KRT5: variants seen among roughly 807,000 people sequenced by gnomAD.
The protein encoded by KRT5 is keratin 5.
Under a neutral mutation model 44.0 loss-of-function variants are expected in KRT5, and 17 were observed. The observed-to-expected ratio is 0.39, with a 90% CI of 0.26 to 0.58. KRT5 has a LOEUF of 0.58. Ranked by LOEUF, KRT5 falls within the 20% of genes least tolerant of loss-of-function variation. The pLI is 0.61. For synonymous variants in KRT5, 329 were observed against 312.8 expected, an observed-to-expected ratio of 1.05 and a Z score of -0.55; for missense variants, 737 against 785.5, an observed-to-expected ratio of 0.94 and a Z score of 0.74.
rs1336614177 is a variant in KRT5 at position 52,515,102 on chromosome 12, C to T, written c.1613G>A (p.Gly538Glu). ...SSGSYYSSSS[G>E]GVGLGGGLSV... is the part of the protein sequence containing the mutation. Reference sequence around the variant, plus strand: ...GAGCCCACCACCTAGGCCGACACCCCCACTGCTGCTGGAGTAGTAGCTTCC... The same window carrying T: ...GAGCCCACCACCTAGGCCGACACCCTCACTGCTGCTGGAGTAGTAGCTTCC... Residue 538 changes from glycine (G) to glutamate (E), a missense_variant, in exon 9 of 9, where the codon GGG becomes GAG. Physicochemically the swap from Gly to Glu is moderately conservative, Grantham distance 98. Transcript: ENST00000252242. 2.0e-5 allele frequency: 33 copies of T among 1,612,206 alleles called. No homozygotes were observed. Among genetic ancestry groups the T allele is most frequent in the Non-Finnish European group, 2.7e-5 (32 of 1,179,244 alleles).
chr12:52,519,273 T>G, intron 1 of KRT5, 113 bp from the exon 2 acceptor site: 185 of 1,398,536 alleles, frequency 1.3e-4, no homozygotes, highest in Non-Finnish European at 1.5e-4. Context: ...CTGTGCACTG[T>G]GCCTGGCCCT....
Position 52,519,095 on chromosome 12 carries a change from G to A in KRT5, c.621C>T (p.Gly207=), listed in dbSNP as rs1454816129. Residue 207 remains glycine, a synonymous_variant, in exon 2 of 9, where the codon GGC becomes GGT. Transcript: ENST00000252242. ...CCAGGTTCTGCCTCACAGTCTTGGT[G>A]CCCTGCTCCTGCAGCAGGGTCCACT... is the stretch of plus-strand genomic sequence containing the variant. ...DTKWTLLQEQ[G]TKTVRQNLEP... is the part of the protein sequence containing the mutation. 1.2e-6 allele frequency: 2 copies of A among 1,614,202 alleles called. No individual in the cohort carries two copies. The highest frequency in any genetic ancestry group is 1.7e-5 in the Admixed American group (1 of 60,030).
chr12:52,520,354 G>C lies in KRT5; in HGVS notation c.-58C>G. The stretch of plus-strand genomic sequence containing the variant: ...GGCACTAGTGGGTTGGGAGGTGCTG[G>C]AGAGAACAGAGCTCAGCAGGACGCA... On this transcript the variant is annotated 5_prime_UTR_variant, in exon 1 of 9. Transcript: ENST00000252242. The C allele has an allele frequency of 6.6e-7, 1 of 1,523,268 alleles. No homozygotes were observed. The highest frequency in any genetic ancestry group is 9.1e-7 in the Non-Finnish European group (1 of 1,102,944). 94.4% of individuals were successfully genotyped at this position (1,523,268 alleles called of 1,614,324 possible).
At position 52,520,063 on chromosome 12, in the gene KRT5, A is replaced by G. The variant is rs1298401296; in HGVS notation, c.234T>C (p.Thr78=). 6.2e-7 allele frequency: 1 copy of G among 1,613,964 alleles called. No individual in the cohort carries two copies. The highest frequency in any genetic ancestry group is 1.3e-5 in the African/African-American group (1 of 74,960). The stretch of plus-strand genomic sequence containing the variant: ...ACCGGTTCCTGAAGCTGCCACCACT[A>G]GTGCTGATGGATATCCTCTTGGAGC... ...LGGSKRISIS[T]SGGSFRNRFG... Residue 78 remains threonine (T), a synonymous_variant, in exon 1 of 9, where the codon ACT becomes ACC. Coordinates refer to ENST00000252242, the MANE Select transcript of KRT5 (RefSeq NM_000424.4).
intron 7 of KRT5, 86 bp from the exon 8 acceptor site, chr12:52,515,918 C>A (rs773151927): frequency 3.5e-6 from 4 of 1,152,670 alleles, no homozygotes; most frequent in Non-Finnish European, 5.3e-6. Context: ...CCTCATGATT[C>A]GAGTTCATTC....
chr12:52,519,684 C>G (rs1938677476), intron 1 of KRT5, 58 bp downstream of exon 1: 1 of 1,518,910 alleles, frequency 6.6e-7, no homozygotes, highest in South Asian at 1.1e-5. Flanking sequence ...CCTTCTTTCT[C>G]TCTCTTTGGC....
In KRT5 at chr12:52,520,235, G is replaced by A. The variant is rs368584130; in HGVS notation, c.62C>T (p.Ser21Phe). Residue 21 changes from serine to phenylalanine, a missense_variant, in exon 1 of 9, where the codon TCT becomes TTT. This residue lies in a region of KRT5 where 326 missense variants were observed against 333.1 expected (regional missense o/e 0.98). Transcript: ENST00000252242. ...SGGSRSFSTA[S>F]AITPSVSRTS... ...GCGGGAGACAGACGGGGTGATGGCA[G>A]AGGCGGTGCTGAAGCTACGACTGCC... The A allele has an allele frequency of 4.3e-6, 7 of 1,613,936 alleles. No homozygotes were observed. The highest frequency in any genetic ancestry group is 2.7e-5 in the African/African-American group (2 of 74,926).
chr12:52,517,954 C>T lies in KRT5; in HGVS notation c.870G>A (p.Glu290=). 6.2e-7 allele frequency: 1 copy of T among 1,614,232 alleles called. No individual in the cohort carries two copies. Among genetic ancestry groups the T allele is most frequent in the Non-Finnish European group, 8.5e-7 (1 of 1,180,028 alleles). The part of the protein sequence containing the change: ...DAAYMNKVEL[E]AKVDALMDEI... ...CATCCATCAGTGCATCAACCTTGGCCTCCAGCTCCACCTTGTTCATGTAGG... is the reference window on the plus strand; with the variant it reads ...CATCCATCAGTGCATCAACCTTGGCTTCCAGCTCCACCTTGTTCATGTAGG... Residue 290 remains glutamate (E), a synonymous_variant, in exon 4 of 9, where the codon GAG becomes GAA. Transcript: ENST00000252242.
At chr12:52,515,327 C>A (rs1938593232) in intron 8 of KRT5, 87 bp from the exon 9 acceptor site, 2 of 1,561,588 alleles carry the variant, frequency 1.3e-6, no homozygotes, top group African/African-American at 1.3e-5. Flanking sequence ...GGTGTTGGAG[C>A]ACTCTACTGG....
At chr12:52,518,313 T>C in intron 2 of KRT5, 150 bp from the exon 3 acceptor site, 1 of 753,424 alleles carries the variant, frequency 1.3e-6, no homozygotes, top group Non-Finnish European at 2.4e-6. Context: ...AGCATGAACC[T>C]CTGGCCAAGG....
At chr12:52,516,422 G>A (rs1182686041) in intron 7 of KRT5, 2 of 595,144 alleles carry the variant, frequency 3.4e-6, no homozygotes, top group African/African-American at 3.7e-5. Context: ...GTGCTTGGAG[G>A]ACAGCCAGTG....
In KRT5 at chr12:52,516,446, G is replaced by A. The variant is rs573432072; in HGVS notation, c.1439+191C>T. 7.8e-6 allele frequency: 5 copies of A among 643,446 alleles called. No individual in the cohort carries two copies. The East Asian group carries it at 8.6e-5, about 11-fold the overall frequency. 39.9% of individuals were successfully genotyped at this position (643,446 alleles called of 1,614,324 possible). A position where few individuals can be genotyped will look rare whatever the true frequency, so the allele number is the denominator to read the frequency against. On this transcript the variant is annotated intron_variant, in intron 7 of 8. Transcript: ENST00000252242. ...GGACAGCCAGTGCCCAGGAACACCG[G>A]TGGGGGAAAAGAGACCAGAAAAGTG...
chr12:52,519,971 C>A lies in KRT5; in HGVS notation c.326G>T (p.Gly109Val), dbSNP rs766378801. Reference protein sequence around the residue: ...GGAGSGFGFGGGAGGGFGLGG... With the variant: ...GGAGSGFGFGVGAGGGFGLGG... ...GAGCCCAAAGCCACCACCAGCTCCA[C>A]CGCCGAAACCAAATCCACTACCGGC... The change falls in exon 1 of 9, where the codon GGT (glycine) becomes GTT (valine). Residue 109 changes from glycine to valine, a missense_variant. This residue lies in a region of KRT5 where 326 missense variants were observed against 333.1 expected (regional missense o/e 0.98). Coordinates refer to ENST00000252242, the MANE Select transcript of KRT5 (RefSeq NM_000424.4). The A allele has an allele frequency of 5.0e-6, 8 of 1,612,830 alleles. No individual in the cohort carries two copies. In the Admixed American group the frequency reaches 5.0e-5, roughly 10 times the overall value.
Position 52,514,792 on chromosome 12 carries a change from C to A in KRT5, c.*150G>T. 1.4e-6 allele frequency: 1 copy of A among 708,190 alleles called. No homozygotes were observed. Among genetic ancestry groups the A allele is most frequent in the East Asian group, 2.5e-5 (1 of 39,858 alleles). The allele number at this position is 708,190 out of a possible 1,614,324, so 43.9% of individuals were successfully genotyped here. On this transcript the variant is annotated 3_prime_UTR_variant, in exon 9 of 9. Coordinates refer to ENST00000252242, the MANE Select transcript of KRT5 (RefSeq NM_000424.4). ...GACCAGGGGCTGGGAATGGGGCTCT[C>A]CTGGGAACCAAAGAATGTGGTTCTG...
At position 52,514,895 on chromosome 12, in the gene KRT5, A is replaced by G; in HGVS notation, c.*47T>C. On this transcript the variant is annotated 3_prime_UTR_variant, in exon 9 of 9. Transcript: ENST00000252242. ...CAACTGCCTAGAAGAGGCAATCTCC[A>G]TGGGCTGGGTTGCTGCACTTGGAAG... 1 of 1,539,588 alleles carries G rather than the reference A, an allele frequency of 6.5e-7. No homozygotes were observed. Among genetic ancestry groups the G allele is most frequent in the South Asian group, 1.1e-5 (1 of 89,364 alleles).
At chr12:52,515,914 G>T in intron 7 of KRT5, 82 bp from the exon 8 acceptor site, 2 of 1,195,794 alleles carry the variant, frequency 1.7e-6, no homozygotes, top group Non-Finnish European at 2.5e-6. Flanking sequence ...CCATCCTCAT[G>T]ATTCGAGTTC....
At chr12:52,517,287 T>C (rs1468754307) in intron 5 of KRT5, 55 bp from the exon 6 acceptor site, 16 of 1,608,056 alleles carry the variant, frequency 9.9e-6, no homozygotes, top group African/African-American at 1.3e-5. Flanking sequence ...GGGAAGAACT[T>C]TCCCAAAGTT....
At chr12:52,517,059 C>G (rs778495257) in intron 6 of KRT5, 48 bp downstream of exon 6, 1 of 1,611,386 alleles carries the variant, frequency 6.2e-7, no homozygotes, top group Admixed American at 1.7e-5. Flanking sequence ...GTAGGTGTTT[C>G]TTTTAGAACT....
Position 52,515,805 on chromosome 12 carries a change from G to A in KRT5, c.1467C>T (p.Val489=). ...CRLSGEGVGP[V]NISVVTSSVS... is the part of the protein sequence containing the mutation. ...CTGTTCAAAGCTACTTACAGATGTT[G>A]ACTGGTCCAACTCCTTCTCCACTGA... The change falls in exon 8 of 9, where the codon GTC becomes GTT. Residue 489 remains valine (V), a synonymous_variant. Coordinates refer to ENST00000252242, the MANE Select transcript of KRT5 (RefSeq NM_000424.4). 1 of 1,612,710 alleles carries A rather than the reference G, an allele frequency of 6.2e-7. No individual in the cohort carries two copies. The highest frequency in any genetic ancestry group is 8.5e-7 in the Non-Finnish European group (1 of 1,178,714).
Sources: gnomAD v4.1 joint callset for allele counts on GRCh38, gnomAD v4.1.1 for gene constraint, gnomAD v4.1.1 regional missense constraint, MANE v1.5 for transcripts, NCBI Gene and HGNC (gene_info 2026-07-23, HGNC 2026-07-21) for gene names.